Variants in BAZ2B observed in about 807,000 individuals in gnomAD.
BAZ2B encodes bromodomain adjacent to zinc finger domain 2B.
In BAZ2B, 91 loss-of-function variants were observed where a neutral mutation model predicts 246.0. The ratio of observed to expected loss-of-function variants is 0.37; its 90% CI spans 0.31 to 0.44. The LOEUF (loss-of-function observed/expected upper bound fraction) is 0.44, where lower values mean the gene tolerates loss of function less well. Ranked by LOEUF, BAZ2B falls within the 20% of genes least tolerant of loss-of-function variation. The pLI, the probability that BAZ2B is intolerant of heterozygous loss-of-function variation, is 1.00. For synonymous variants in BAZ2B, 855 were observed against 860.0 expected, an observed-to-expected ratio of 0.99 and a Z score of 0.10; for missense variants, 2,332 against 2,533.7, an observed-to-expected ratio of 0.92 and a Z score of 1.71.
intron 2 of BAZ2B, among the ~76,000 whole-genome samples, chr2:159,498,182 A>G (rs927371840): frequency 8.5e-5 from 13 of 152,220 alleles, no homozygotes; most frequent in Admixed American, 1.3e-4. Flanking sequence ...GGCCTAGTAC[A>G]CTTCCTGCCA....
chr2:159,343,449 A>C (rs2067121007), intron 31 of BAZ2B, among the ~76,000 whole-genome samples: 2 of 152,222 alleles, frequency 1.3e-5, no homozygotes, highest in Admixed American at 6.5e-5. Context: ...AAGTCAACAG[A>C]GTGAAAAGAA....
rs374764016 is a variant in BAZ2B, at chr2:159,427,944, C to A, written c.2463G>T (p.Pro821=). ...VGDFYEARDG[P]QGMQWCLLKE... is the part of the protein sequence containing the mutation. ...ATACTTTTTAAAAAGTGGATACCTG[C>A]GGTCCATCTCTGGCTTCATAGAAGT... Residue 821 remains proline (P), a synonymous_variant, in exon 13 of 37, where the codon CCG becomes CCT. Coordinates refer to ENST00000392783, the MANE Select transcript of BAZ2B (RefSeq NM_013450.4). The A allele has an allele frequency of 6.2e-7, 1 of 1,612,156 alleles. No homozygotes were observed. Among genetic ancestry groups the A allele is most frequent in the African/African-American group, 1.3e-5 (1 of 74,838 alleles).
At chr2:159,586,275 T>C (rs1452764568) in intron 1 of BAZ2B, among the ~76,000 whole-genome samples, 2 of 152,208 alleles carry the variant, frequency 1.3e-5, no homozygotes, top group Non-Finnish European at 2.9e-5. Context: ...CTAAAAGTTA[T>C]TACTTAACCC....
At chr2:159,673,112 A>G in the BAZ2B span, among the ~76,000 whole-genome samples, 1 of 152,220 alleles carries the variant, frequency 6.6e-6, no homozygotes, top group African/African-American at 2.4e-5. Flanking sequence ...AACATAAACT[A>G]CAGGTAATAG....
intron 1 of BAZ2B, among the ~76,000 whole-genome samples, chr2:159,604,951 T>TGTGTGTGTGTGCGC (rs137899225): frequency 6.9e-6 from 1 of 144,328 alleles, no homozygotes; most frequent in Admixed American, 7.0e-5. Flanking sequence ...TGTGTGTGTG[T>TGTGTGTGTGTGCGC]GCGCGTGTGT....
At chr2:159,338,561 G>C (rs1258145856) in intron 31 of BAZ2B, among the ~76,000 whole-genome samples, 1 of 152,094 alleles carries the variant, frequency 6.6e-6, no homozygotes, top group Non-Finnish European at 1.5e-5. Flanking sequence ...TGATCCTGTA[G>C]CTCAAAATCC....
At chr2:159,531,066 AATT>A (rs1357634608) in intron 2 of BAZ2B, among the ~76,000 whole-genome samples, 1 of 152,192 alleles carries the variant, frequency 6.6e-6, no homozygotes, top group East Asian at 1.9e-4. Flanking sequence ...AAGTCTCTGA[AATT>A]ATTATTATCA....
At chr2:159,619,907 A>T (rs1696363070), upstream of BAZ2B, among the ~76,000 whole-genome samples, 1 of 152,182 alleles carries the variant, frequency 6.6e-6, no homozygotes, top group Non-Finnish European at 1.5e-5. Flanking sequence ...TCTACCCAAG[A>T]TCATCATCTG....
At chr2:159,524,407 T>A (rs538311154) in intron 2 of BAZ2B, among the ~76,000 whole-genome samples, 15 of 152,130 alleles carry the variant, frequency 9.9e-5, no homozygotes, top group Non-Finnish European at 1.8e-4. Flanking sequence ...TGAGCTGTGA[T>A]CATGTCACTA....
intron 1 of BAZ2B, among the ~76,000 whole-genome samples, chr2:159,578,663 A>G (rs1021517365): frequency 3.0e-4 from 46 of 152,304 alleles, no homozygotes; most frequent in African/African-American, 1.1e-3. Context: ...AAAATTGACC[A>G]CACAGTTGGA....
chr2:159,689,720 TG>T, the BAZ2B span: 1 of 434,276 alleles, frequency 2.3e-6, no homozygotes, highest in South Asian at 2.4e-5. Context: ...ATAAATAGAT[TG>T]GCAAGACTTT....
In BAZ2B at chr2:159,433,266, G is replaced by T; in HGVS notation, c.1391C>A (p.Thr464Asn). 6.2e-7 allele frequency: 1 copy of T among 1,614,108 alleles called. No individual in the cohort carries two copies. Among genetic ancestry groups the T allele is most frequent in the Non-Finnish European group, 8.5e-7 (1 of 1,180,012 alleles). Residue 464 changes from threonine to asparagine, a missense_variant, in exon 9 of 37, where the codon ACC (threonine) becomes AAC (asparagine). By Grantham distance (65) the Thr-to-Asn change is moderately conservative. This residue lies in a region of BAZ2B where 651 missense variants were observed against 650.9 expected (regional missense o/e 1.00). Transcript: ENST00000392783. Reference protein sequence around the residue: ...VIAALSNPKATSSSPAHPKQT... With the variant: ...VIAALSNPKANSSSPAHPKQT... ...TTTTGGATGTGCTGGTGAACTAGAG[G>T]TTGCTTTTGGATTTGACAAAGCTGC...
At chr2:159,355,575 A>G (rs1355283853) in intron 27 of BAZ2B, among the ~76,000 whole-genome samples, 4 of 152,228 alleles carry the variant, frequency 2.6e-5, no homozygotes, top group East Asian at 1.9e-4. Flanking sequence ...ATGGAAGAAC[A>G]GTATTCATAT....
At chr2:159,565,464 T>C (rs1422783627) in intron 1 of BAZ2B, among the ~76,000 whole-genome samples, 1 of 151,884 alleles carries the variant, frequency 6.6e-6, no homozygotes, top group Non-Finnish European at 1.5e-5. Context: ...AGAAGCAAAA[T>C]CAGTGATTAC....
At position 159,373,182 on chromosome 2, in the gene BAZ2B, C is replaced by T. The variant is rs1476525667; in HGVS notation, c.4076G>A (p.Ser1359Asn). 4.4e-6 allele frequency: 7 copies of T among 1,605,314 alleles called. No homozygotes were observed. The African/African-American group carries it at 8.0e-5, about 18-fold the overall frequency. ...ATCAAAGAGCTTCCTTCTGTACTGA[C>T]TCTGTTGCTGTTAAAAAAATGGTAC... ...KQIEKLSKQQ[S>N]QYRRKLFDAS... The change falls in exon 27 of 37, where the codon AGT (serine) becomes AAT (asparagine). Residue 1359 changes from serine (S) to asparagine (N), a missense_variant. By Grantham distance (46) the Ser-to-Asn change is conservative (BLOSUM62 1). This residue lies in a region of BAZ2B where 676 missense variants were observed against 668.6 expected (regional missense o/e 1.01). Transcript: ENST00000392783.
At chr2:159,587,069 T>C (rs1179159596) in intron 1 of BAZ2B, among the ~76,000 whole-genome samples, 1 of 151,558 alleles carries the variant, frequency 6.6e-6, no homozygotes, top group Non-Finnish European at 1.5e-5. Context: ...AATAATATCC[T>C]ATCACCTGCA....
intron 2 of BAZ2B, among the ~76,000 whole-genome samples, chr2:159,548,293 GTTA>G (rs1334821122): frequency 1.3e-5 from 2 of 151,980 alleles, no homozygotes; most frequent in South Asian, 2.1e-4. Flanking sequence ...TTTTATCACT[GTTA>G]TTATATTTTA....
chr2:159,599,254 C>A (rs1360185923), intron 1 of BAZ2B, among the ~76,000 whole-genome samples: 1 of 152,186 alleles, frequency 6.6e-6, no homozygotes, highest in Non-Finnish European at 1.5e-5. Context: ...AGCCTGGTCC[C>A]TGTCTTACAG....
At chr2:159,613,998 TTTAAG>T (rs1578972612) in intron 1 of BAZ2B, among the ~76,000 whole-genome samples, 1 of 152,204 alleles carries the variant, frequency 6.6e-6, no homozygotes, top group African/African-American at 2.4e-5. Context: ...ATTAGCTTTT[TTTAAG>T]TTAATTGTAG....
Sources: allele counts gnomAD v4.1 joint callset (sites outside exome capture counted in the v4.1 genomes callset), GRCh38; gene constraint gnomAD v4.1.1; regional missense constraint gnomAD v4.1.1; transcripts MANE v1.5; gene names NCBI Gene and HGNC (gene_info 2026-07-23, HGNC 2026-07-21).